The following PCDHGB1 variants were observed in gnomAD, a reference collection of about 807,000 sequenced individuals.
PCDHGB1 encodes protocadherin gamma-B1.
In PCDHGB1, 34 loss-of-function variants were observed where a neutral mutation model predicts 56.6. The ratio of observed to expected loss-of-function variants is 0.60; its 90% confidence interval spans 0.46 to 0.80. The LOEUF is 0.80. PCDHGB1 is among the 30% of genes least tolerant of loss of function. The probability of loss-of-function intolerance (pLI) is 0.00; values close to 1 mark genes in which losing one functional copy is unlikely to be tolerated. For missense variants in PCDHGB1, 1,278 were observed against 1,204.6 expected, an observed-to-expected ratio of 1.06 and a Z score of -0.90; for synonymous variants, 561 against 505.9, an observed-to-expected ratio of 1.11 and a Z score of -1.46.
rs1486791355 is a variant in PCDHGB1 at position 141,476,804 on chromosome 5, A to G, written c.2410-18003A>G. Reference sequence around the variant, plus strand: ...CCCAGCTCTCTCCGCCAGCCTGCCTATTCACATCAAGGTGCTGGACGCGAA... The same window carrying G: ...CCCAGCTCTCTCCGCCAGCCTGCCTGTTCACATCAAGGTGCTGGACGCGAA... On this transcript the variant is annotated intron_variant, in intron 1 of 3. Coordinates refer to ENST00000523390, the MANE Select transcript of PCDHGB1 (RefSeq NM_018922.3). The surrounding 1 kb of genome is among the most constrained non-coding windows in gnomAD (Gnocchi z 7.6). 5 of 1,613,476 alleles carry G rather than the reference A, an allele frequency of 3.1e-6. No individual in the cohort carries two copies. Among genetic ancestry groups the G allele is most frequent in the South Asian group, 2.2e-5 (2 of 91,080 alleles).
At position 141,389,190 on chromosome 5, in the gene PCDHGB1, A is replaced by G; in HGVS notation, c.2409+36521A>G. The G allele has an allele frequency of 6.2e-7, 1 of 1,614,034 alleles. No individual in the cohort carries two copies. The highest frequency in any genetic ancestry group is 8.5e-7 in the Non-Finnish European group (1 of 1,179,896). ...GCCTCCCCTCTCCTCCAGTTCCAGC[A>G]TCACCCTGCACATTGGTGATGTAAA... On this transcript the variant is annotated intron_variant, in intron 1 of 3. Coordinates refer to ENST00000523390, the MANE Select transcript of PCDHGB1 (RefSeq NM_018922.3).
In PCDHGB1 at chr5:141,505,380, A is replaced by C; in HGVS notation, c.2469-13A>C. On this transcript the variant is annotated splice_polypyrimidine_tract_variant and intron_variant, in intron 2 of 3. Coordinates refer to ENST00000523390, the MANE Select transcript of PCDHGB1 (RefSeq NM_018922.3). ...CCTGGGAGTCTGTGCTCACCATCCT[A>C]CTCTCTCCCCAGCTCCCAAAATGGC... 1 of 1,613,480 alleles carries C rather than the reference A, an allele frequency of 6.2e-7. No homozygotes were observed. Among genetic ancestry groups the C allele is most frequent in the Non-Finnish European group, 8.5e-7 (1 of 1,179,856 alleles).
chr5:141,498,726 G>T (rs2099785379), intron 2 of PCDHGB1, among the ~76,000 whole-genome samples: 1 of 152,172 alleles, frequency 6.6e-6, no homozygotes, highest in Admixed American at 6.5e-5. Context: ...GAGGTCAGGA[G>T]TTTGAGACCA....
At chr5:141,504,785 G>A (rs1439244687) in intron 2 of PCDHGB1, among the ~76,000 whole-genome samples, 1 of 151,964 alleles carries the variant, frequency 6.6e-6, no homozygotes, top group East Asian at 1.9e-4. Context: ...GTCTCTTGGG[G>A]CCTCCTACAT....
intron 1 of PCDHGB1, among the ~76,000 whole-genome samples, chr5:141,460,724 A>G (rs1294708205): frequency 6.6e-6 from 1 of 152,114 alleles, no homozygotes; most frequent in Non-Finnish European, 1.5e-5. Flanking sequence ...TGTTATAAGC[A>G]TATATACACA....
chr5:141,495,415 C>T (rs1385371906), intron 2 of PCDHGB1, among the ~76,000 whole-genome samples: 1 of 152,194 alleles, frequency 6.6e-6, no homozygotes, highest in Admixed American at 6.5e-5. Context: ...TTCTCCGGCC[C>T]CTCCTCCCAC....
chr5:141,418,637 T>A, intron 1 of PCDHGB1: 1 of 1,613,998 alleles, frequency 6.2e-7, no homozygotes. Context: ...TCCAGGCACC[T>A]CCATCCTGAG....
In PCDHGB1 at chr5:141,351,700, C is replaced by T. The variant is rs753470957; in HGVS notation, c.1440C>T (p.Asn480=). The part of the protein sequence containing the change: ...VSASDPDLGP[N]GRVSYSILAS... ...CCTCCGACCCGGATTTGGGACCCAA[C>T]GGCAGAGTCTCCTACTCTATTCTGG... is the stretch of plus-strand genomic sequence containing the variant. Residue 480 remains asparagine, a synonymous_variant, in exon 1 of 4, where the codon AAC becomes AAT. Transcript: ENST00000523390. The T allele has an allele frequency of 1.2e-6, 2 of 1,613,956 alleles. No individual in the cohort carries two copies. Among genetic ancestry groups the T allele is most frequent in the East Asian group, 4.5e-5 (2 of 44,880 alleles).
In PCDHGB1 at chr5:141,485,472, C is replaced by T. The variant is rs1185020546; in HGVS notation, c.2410-9335C>T. On this transcript the variant is annotated intron_variant, in intron 1 of 3. Transcript: ENST00000523390. This position sits in a 1 kb window ranked among gnomAD's most constrained non-coding sequence, Gnocchi z 5.7. The stretch of plus-strand genomic sequence containing the variant: ...CGAGAGGCACTGTGTGGGCTCAGTG[C>T]CAGCTGCATCGTGCCCCTGGAGTTT... The T allele has an allele frequency of 3.1e-6, 5 of 1,614,138 alleles. No individual in the cohort carries two copies. In the South Asian group the frequency reaches 5.5e-5, roughly 18 times the overall value.
At chr5:141,370,462 C>G in intron 1 of PCDHGB1, 12 of 1,612,864 alleles carry the variant, frequency 7.4e-6, no homozygotes, top group Non-Finnish European at 8.5e-6. Context: ...TTCCTGCTCT[C>G]TTTGTTAGAC....
At chr5:141,385,191 G>A (rs775228510) in intron 1 of PCDHGB1, 1 of 1,614,086 alleles carries the variant, frequency 6.2e-7, no homozygotes, top group African/African-American at 1.3e-5. Context: ...CGGACTCTCG[G>A]AAGAGTCACC....
intron 1 of PCDHGB1, chr5:141,399,734 C>T: frequency 6.2e-7 from 1 of 1,613,338 alleles, no homozygotes; most frequent in Non-Finnish European, 8.5e-7. Context: ...CAGGGCTCGC[C>T]TGCGCTCAGC....
At chr5:141,480,398 G>C (rs2099518275) in intron 1 of PCDHGB1, among the ~76,000 whole-genome samples, 1 of 149,050 alleles carries the variant, frequency 6.7e-6, no homozygotes, top group Non-Finnish European at 1.5e-5. Context: ...CATGGCAATA[G>C]AGTGAGACCC....
chr5:141,410,847 G>GTATTTTTTT, intron 1 of PCDHGB1: 1 of 158,252 alleles, frequency 6.3e-6, no homozygotes, highest in African/African-American at 8.4e-5. Context: ...TTTTGTCTTT[G>GTATTTTTTT]TCTTTTTTTT....
rs749817501 is a variant in PCDHGB1 at position 141,423,756 on chromosome 5, G to GT, written c.2410-71051_2410-71050insT. ...GCCTGTTATGAAAACTGTTTGGGGGGGGGGTGGGGCGGCATATATTTAGTT... is the reference window on the plus strand; with the variant it reads ...GCCTGTTATGAAAACTGTTTGGGGGGTGGGGTGGGGCGGCATATATTTAGTT... On this transcript the variant is annotated intron_variant, in intron 1 of 3. Transcript: ENST00000523390. 9 of 448,538 alleles carry GT rather than the reference G, an allele frequency of 2.0e-5. 1 individual carries two copies. Among genetic ancestry groups the GT allele is most frequent in the African/African-American group, 2.8e-5 (1 of 35,670 alleles). 27.8% of individuals were successfully genotyped at this position (448,538 alleles called of 1,614,324 possible).
rs777837262 is a variant in PCDHGB1, at chr5:141,352,148, G to C, written c.1888G>C (p.Asp630His). ...GEVRTARALGDRDAARQRLLV... is the reference protein window; with the variant it reads ...GEVRTARALGHRDAARQRLLV... Reference sequence around the variant, plus strand: ...GGTGCGCACAGCGCGTGCCTTGGGCGACAGGGACGCGGCCCGCCAGCGCCT... The same window carrying C: ...GGTGCGCACAGCGCGTGCCTTGGGCCACAGGGACGCGGCCCGCCAGCGCCT... Residue 630 changes from aspartate (D) to histidine (H), a missense_variant, in exon 1 of 4, where the codon GAC becomes CAC. Asp to His is a moderately conservative substitution (Grantham distance 81). Transcript: ENST00000523390. 3 of 1,612,454 alleles carry C rather than the reference G, an allele frequency of 1.9e-6. No homozygotes were observed. The highest frequency in any genetic ancestry group is 1.7e-6 in the Non-Finnish European group (2 of 1,179,452).
intron 1 of PCDHGB1, among the ~76,000 whole-genome samples, chr5:141,406,857 A>T (rs1377435171): frequency 2.0e-5 from 3 of 152,244 alleles, no homozygotes; most frequent in Admixed American, 2.0e-4. Flanking sequence ...TTAAGAAAAT[A>T]TTCTCAGGAA....
chr5:141,457,168 C>T (rs10072917), intron 1 of PCDHGB1, among the ~76,000 whole-genome samples: 42,426 of 152,004 alleles, frequency 0.28, 6,644 homozygotes, highest in African/African-American at 0.43. Context: ...ATGGATAACC[C>T]TATTGCAAAT....
chr5:141,415,740 G>GTTTT lies in PCDHGB1; in HGVS notation c.2409+63100_2409+63103dup, dbSNP rs57426385. ...TGAGTAGAATTTGATGTTTATTAAG[G>GTTTT]TTTTTTTTTTTTTTTTTTTTTTTTT... On this transcript the variant is annotated intron_variant, in intron 1 of 3. Transcript: ENST00000523390. 3.9e-3 allele frequency: 2,454 copies of GTTTT among 623,032 alleles called. 15 individuals carry two copies. Among genetic ancestry groups the GTTTT allele is most frequent in the South Asian group, 7.6e-3 (262 of 34,698 alleles). 38.6% of individuals were successfully genotyped at this position (623,032 alleles called of 1,614,324 possible).
Sources: allele counts gnomAD v4.1 joint callset (sites outside exome capture counted in the v4.1 genomes callset), GRCh38; gene constraint gnomAD v4.1.1; non-coding constraint Gnocchi (gnomAD v3.1); transcripts MANE v1.5; gene names NCBI Gene and HGNC (gene_info 2026-07-23, HGNC 2026-07-21).